The following SHISAL1 variants were observed in gnomAD, a reference collection of about 807,000 sequenced individuals.
SHISAL1 encodes the protein shisa like 1.
In SHISAL1, 9 loss-of-function variants were observed where a neutral mutation model predicts 22.6. The observed-to-expected ratio is 0.40, with a 90% CI of 0.24 to 0.70. SHISAL1 has a LOEUF of 0.70. Ranked by LOEUF, SHISAL1 falls within the 30% of genes least tolerant of loss-of-function variation. The pLI, the probability that SHISAL1 is intolerant of heterozygous loss-of-function variation, is 0.39. For synonymous variants in SHISAL1, 119 were observed against 115.4 expected, an observed-to-expected ratio of 1.03 and a Z score of -0.20; for missense variants, 246 against 270.6, an observed-to-expected ratio of 0.91 and a Z score of 0.64.
At chr22:44,321,567 CTG>C in the SHISAL1 span, among the ~76,000 whole-genome samples, 58 of 152,204 alleles carry the variant, frequency 3.8e-4, no homozygotes, top group Admixed American at 9.8e-4. Context: ...GAACAGGTGA[CTG>C]TGTTCACGAG....
intron 3 of SHISAL1, among the ~76,000 whole-genome samples, chr22:44,295,968 T>G (rs113308427): frequency 1.3e-5 from 2 of 152,298 alleles, no homozygotes; most frequent in African/African-American, 2.4e-5. Flanking sequence ...AAGAACTGCA[T>G]GGGATTAATC....
At chr22:44,291,993 C>T (rs746496398) in intron 3 of SHISAL1, among the ~76,000 whole-genome samples, 10 of 152,236 alleles carry the variant, frequency 6.6e-5, no homozygotes, top group Non-Finnish European at 1.0e-4. Flanking sequence ...TGGCTGGAAG[C>T]GGGCATCTCG....
chr22:44,249,884 G>C (rs1269160025), intron 4 of SHISAL1, among the ~76,000 whole-genome samples, 199 bp from the exon 5 acceptor site: 2 of 152,170 alleles, frequency 1.3e-5, no homozygotes, highest in African/African-American at 4.8e-5. Flanking sequence ...TATAGTACTA[G>C]AGCTCTGGCC....
chr22:44,331,497 C>A, the SHISAL1 span, among the ~76,000 whole-genome samples: 1 of 150,890 alleles, frequency 6.6e-6, no homozygotes, highest in Non-Finnish European at 1.5e-5. The surrounding 1 kb of genome is among the most constrained non-coding windows in gnomAD (Gnocchi z 5.2). Flanking sequence ...CAGCTCACCT[C>A]GTGCCCGCCG....
At chr22:44,269,546 C>T (rs1601784054) in intron 4 of SHISAL1, among the ~76,000 whole-genome samples, 1 of 149,202 alleles carries the variant, frequency 6.7e-6, no homozygotes, top group African/African-American at 2.5e-5. Flanking sequence ...CACCATGCCA[C>T]AGATACAACA....
At chr22:44,256,436 T>C (rs1464753560) in intron 4 of SHISAL1, among the ~76,000 whole-genome samples, 1 of 152,208 alleles carries the variant, frequency 6.6e-6, no homozygotes, top group Non-Finnish European at 1.5e-5. Context: ...TGTGCCTTCA[T>C]GTGTGTCTAT....
intron 3 of SHISAL1, among the ~76,000 whole-genome samples, chr22:44,295,935 T>C (rs2055382278): frequency 6.6e-6 from 1 of 152,228 alleles, no homozygotes. Flanking sequence ...CTGATCCCAA[T>C]GTATTTTAAT....
chr22:44,275,423 C>A (rs906253879), intron 4 of SHISAL1, among the ~76,000 whole-genome samples: 1 of 152,212 alleles, frequency 6.6e-6, no homozygotes, highest in African/African-American at 2.4e-5. Context: ...TTTCGGGAAG[C>A]TCCTGGGCCC....
intron 4 of SHISAL1, among the ~76,000 whole-genome samples, chr22:44,253,887 G>T (rs1022053608): frequency 2.0e-5 from 3 of 151,222 alleles, no homozygotes; most frequent in Non-Finnish European, 4.4e-5. Context: ...CTATTCAAAT[G>T]CTCTTGAAAG....
At chr22:44,256,517 TCTC>T (rs1172187751) in intron 4 of SHISAL1, among the ~76,000 whole-genome samples, 1 of 152,192 alleles carries the variant, frequency 6.6e-6, no homozygotes, top group Non-Finnish European at 1.5e-5. Flanking sequence ...TCCTGTCTCT[TCTC>T]CCAGATAAAC....
rs144374459 is a variant in SHISAL1, at chr22:44,294,426, C to A, written c.281+2246G>T. On this transcript the variant is annotated intron_variant, in intron 3 of 4. Transcript: ENST00000381176. ...CAGAGATCGAGGCTCACACTTGCAA[C>A]CCACCACCTCCCTTCAACAAACGCC... 1.5e-3 allele frequency among the ~76,000 whole-genome samples: 231 copies of A among 152,276 alleles called. 2 individuals carry two copies. The highest frequency in any genetic ancestry group is 5.3e-3 in the African/African-American group (221 of 41,540).
chr22:44,282,645 G>C (rs1305647837), intron 4 of SHISAL1, among the ~76,000 whole-genome samples: 1 of 152,208 alleles, frequency 6.6e-6, no homozygotes, highest in Admixed American at 6.5e-5. Context: ...AGCCACAGAG[G>C]CTGGGCTCAT....
At chr22:44,269,500 C>T (rs1013895800) in intron 4 of SHISAL1, among the ~76,000 whole-genome samples, 1 of 141,514 alleles carries the variant, frequency 7.1e-6, no homozygotes, top group Non-Finnish European at 1.5e-5. Flanking sequence ...ACACTCCATG[C>T]CACACCATGC....
At chr22:44,272,454 G>A (rs2055211909) in intron 4 of SHISAL1, among the ~76,000 whole-genome samples, 2 of 152,192 alleles carry the variant, frequency 1.3e-5, no homozygotes, top group Admixed American at 1.3e-4. Context: ...TTAACACGGG[G>A]CATGGCCTGC....
rs1196483120 is a variant in SHISAL1, at chr22:44,247,429, C to T, written c.*2256G>A. On this transcript the variant is annotated 3_prime_UTR_variant, in exon 5 of 5. Transcript: ENST00000381176. ...GGCTAGTGGACAGGCTGTGCACCCC[C>T]TTACGGCAACATGGCCCTGGGACGG... 1 of 152,318 alleles carries T rather than the reference C, an allele frequency of 6.6e-6. No homozygotes were observed. The highest frequency in any genetic ancestry group is 1.5e-5 in the Non-Finnish European group (1 of 68,130). 9.4% of individuals were successfully genotyped at this position (152,318 alleles called of 1,614,324 possible).
At chr22:44,327,236 GCGCGCACACA>G in the SHISAL1 span, among the ~76,000 whole-genome samples, 1 of 114,868 alleles carries the variant, frequency 8.7e-6, no homozygotes, top group Non-Finnish European at 1.9e-5. Context: ...AGAGTGGGGG[GCGCGCACACA>G]CACACACACA....
chr22:44,262,105 C>T (rs1014209200), intron 4 of SHISAL1, among the ~76,000 whole-genome samples: 9 of 152,188 alleles, frequency 5.9e-5, no homozygotes, highest in East Asian at 3.9e-4. Flanking sequence ...GTGTCAGCGG[C>T]GAGTGTCTGG....
the SHISAL1 span, among the ~76,000 whole-genome samples, chr22:44,323,646 ACCATCCATCCAT>A: frequency 4.3e-4 from 48 of 111,232 alleles, no homozygotes; most frequent in East Asian, 1.5e-3. Context: ...CCACCCACTC[ACCATCCATCCAT>A]CCATCCATCC....
At chr22:44,275,919 C>T (rs1042014436) in intron 4 of SHISAL1, among the ~76,000 whole-genome samples, 3 of 152,184 alleles carry the variant, frequency 2.0e-5, no homozygotes, top group Non-Finnish European at 2.9e-5. Flanking sequence ...GCACAAGGCA[C>T]GGGGCAGGAA....
Sources: allele counts gnomAD v4.1 joint callset (sites outside exome capture counted in the v4.1 genomes callset), GRCh38; gene constraint gnomAD v4.1.1; non-coding constraint Gnocchi (gnomAD v3.1); transcripts MANE v1.5; gene names NCBI Gene and HGNC (gene_info 2026-07-23, HGNC 2026-07-21).